The following XKR9 variants were observed in gnomAD, a reference collection of about 807,000 sequenced individuals.
XKR9 encodes the protein XK related 9.
A neutral mutation model predicts 32.0 loss-of-function variants in XKR9; 32 were observed. The ratio of observed to expected loss-of-function variants is 1.00; its 90% CI spans 0.76 to 1.34. XKR9 has a LOEUF of 1.34. Ranked by LOEUF, XKR9 falls within the 40% of genes most tolerant of loss-of-function variation. The probability of loss-of-function intolerance (pLI) is 0.00; values close to 1 mark genes in which losing one functional copy is unlikely to be tolerated. For missense variants in XKR9, 546 were observed against 429.7 expected, an observed-to-expected ratio of 1.27 and a Z score of -2.39; for synonymous variants, 168 against 143.4, an observed-to-expected ratio of 1.17 and a Z score of -1.22.
chr8:70,905,411 T>C, the XKR9 span, among the ~76,000 whole-genome samples: 1 of 152,214 alleles, frequency 6.6e-6, no homozygotes, highest in South Asian at 2.1e-4. Flanking sequence ...TTGATCAAAT[T>C]GGCTACTGAA....
intron 2 of XKR9, among the ~76,000 whole-genome samples, chr8:70,767,493 CTTCT>C (rs1563473858): frequency 5.2e-5 from 6 of 115,984 alleles, no homozygotes; most frequent in African/African-American, 1.8e-4. Flanking sequence ...CTCTCTTTTC[CTTCT>C]TTTTTTTTTT....
the XKR9 span, among the ~76,000 whole-genome samples, chr8:70,917,675 G>A: frequency 6.6e-6 from 1 of 152,046 alleles, no homozygotes; most frequent in Non-Finnish European, 1.5e-5. Flanking sequence ...TCCAAATGTT[G>A]GCATCTTAAA....
chr8:70,790,610 G>A (rs1392739199), downstream of XKR9, among the ~76,000 whole-genome samples: 1 of 152,016 alleles, frequency 6.6e-6, no homozygotes, highest in Non-Finnish European at 1.5e-5. Context: ...GAAAGAAATG[G>A]GGAGAGGATG....
At chr8:70,988,482 T>C in the XKR9 span, among the ~76,000 whole-genome samples, 2 of 152,178 alleles carry the variant, frequency 1.3e-5, no homozygotes, top group Admixed American at 1.3e-4. Context: ...TTGTAGCCTG[T>C]TGTATGTGAT....
chr8:70,911,749 A>G, the XKR9 span, among the ~76,000 whole-genome samples: 12 of 152,218 alleles, frequency 7.9e-5, no homozygotes, highest in African/African-American at 2.9e-4. Flanking sequence ...ATGGAATAGA[A>G]GGTGATAAGG....
chr8:70,682,790 G>A (rs1819128980), intron 3 of XKR9, among the ~76,000 whole-genome samples: 1 of 152,156 alleles, frequency 6.6e-6, no homozygotes, highest in Non-Finnish European at 1.5e-5. Context: ...TTAGCTTTTA[G>A]CCTCTATGGT....
the XKR9 span, among the ~76,000 whole-genome samples, chr8:70,835,365 A>C: frequency 1.3e-5 from 2 of 152,160 alleles, no homozygotes; most frequent in South Asian, 4.1e-4. Flanking sequence ...GAACAGATCA[A>C]TTGGCTAATT....
the XKR9 span, among the ~76,000 whole-genome samples, chr8:71,051,729 A>G: frequency 6.6e-6 from 1 of 152,378 alleles, no homozygotes; most frequent in African/African-American, 2.4e-5. Context: ...TTATGATTAC[A>G]AAGGCGATAA....
chr8:71,000,510 TG>T, the XKR9 span, among the ~76,000 whole-genome samples: 4 of 152,090 alleles, frequency 2.6e-5, no homozygotes, highest in Non-Finnish European at 4.4e-5. Context: ...AAATTTCAGC[TG>T]GAAAAGATAG....
chr8:71,058,890 A>C, the XKR9 span, among the ~76,000 whole-genome samples: 1 of 152,216 alleles, frequency 6.6e-6, no homozygotes, highest in Non-Finnish European at 1.5e-5. Context: ...ATTTAAATGC[A>C]TCCTCATCTC....
chr8:70,878,856 T>C, the XKR9 span, among the ~76,000 whole-genome samples: 1 of 152,176 alleles, frequency 6.6e-6, no homozygotes, highest in Non-Finnish European at 1.5e-5. Flanking sequence ...ATATACATTC[T>C]TTTCAGCACT....
chr8:70,694,097 C>G (rs979127757), intron 3 of XKR9, among the ~76,000 whole-genome samples: 3 of 132,156 alleles, frequency 2.3e-5, no homozygotes, highest in Non-Finnish European at 4.9e-5. Flanking sequence ...CCGGTCCAGT[C>G]CTAGACACCT....
At chr8:70,791,075 A>G (rs2130270079), downstream of XKR9, among the ~76,000 whole-genome samples, 1 of 152,200 alleles carries the variant, frequency 6.6e-6, no homozygotes. Flanking sequence ...GGATTTAAAC[A>G]TAAATTTCAG....
the XKR9 span, among the ~76,000 whole-genome samples, chr8:70,974,156 G>A: frequency 6.6e-6 from 1 of 150,790 alleles, no homozygotes; most frequent in Non-Finnish European, 1.5e-5. Flanking sequence ...GTGTTAGGTG[G>A]GTATATATTT....
At chr8:71,044,762 T>C in the XKR9 span, among the ~76,000 whole-genome samples, 1 of 152,226 alleles carries the variant, frequency 6.6e-6, no homozygotes. Context: ...TTTAATGCAT[T>C]GTCACAAATT....
the XKR9 span, among the ~76,000 whole-genome samples, chr8:71,014,356 C>T: frequency 1.3e-5 from 2 of 152,164 alleles, no homozygotes; most frequent in African/African-American, 4.8e-5. Context: ...GTTCTGGAGG[C>T]CAGAAGTCTG....
At chr8:70,921,189 G>T in the XKR9 span, among the ~76,000 whole-genome samples, 55 of 152,284 alleles carry the variant, frequency 3.6e-4, no homozygotes, top group South Asian at 8.3e-4. Context: ...ACAATTCCTC[G>T]AGTGCTGAGA....
chr8:70,701,044 G>A (rs914378005), intron 3 of XKR9, among the ~76,000 whole-genome samples: 4 of 152,180 alleles, frequency 2.6e-5, no homozygotes, highest in African/African-American at 9.7e-5. Context: ...TCGGAAAAGC[G>A]CAGTATTCGG....
At chr8:70,763,391 G>A (rs1478884052) in intron 2 of XKR9, among the ~76,000 whole-genome samples, 1 of 152,178 alleles carries the variant, frequency 6.6e-6, no homozygotes, top group African/African-American at 2.4e-5. Flanking sequence ...TAACTCTAAG[G>A]TGTCTGTGAG....
Sources: allele counts gnomAD v4.1 joint callset (sites outside exome capture counted in the v4.1 genomes callset), GRCh38; gene constraint gnomAD v4.1.1; transcripts MANE v1.5; gene names NCBI Gene and HGNC (gene_info 2026-07-23, HGNC 2026-07-21).